The following RBFOX1 variants were observed in gnomAD, a reference collection of about 807,000 sequenced individuals.
RBFOX1 encodes RNA binding protein fox-1 homolog 1.
A neutral mutation model predicts 57.7 loss-of-function variants in RBFOX1; 8 were observed. That is an observed-to-expected ratio of 0.14 (90% CI 0.08 to 0.25). The LOEUF (loss-of-function observed/expected upper bound fraction) is 0.25, where lower values mean the gene tolerates loss of function less well. Ranked by LOEUF, RBFOX1 falls within the 10% of genes least tolerant of loss-of-function variation. The pLI is 1.00. For missense variants in RBFOX1, 611 were observed against 548.5 expected, an observed-to-expected ratio of 1.11 and a Z score of -1.14; for synonymous variants, 326 against 222.4, an observed-to-expected ratio of 1.47 and a Z score of -4.15.
At chr16:6,558,002 C>A (rs567517346) in intron 2 of RBFOX1, among the ~76,000 whole-genome samples, 75 of 152,254 alleles carry the variant, frequency 4.9e-4, no homozygotes, top group African/African-American at 1.7e-3. Context: ...ATTGCTGTCA[C>A]TGTGAAACAT....
intron 3 of RBFOX1, among the ~76,000 whole-genome samples, chr16:6,812,915 G>A (rs2089114073): frequency 6.6e-6 from 1 of 152,128 alleles, no homozygotes; most frequent in Admixed American, 6.5e-5. Flanking sequence ...GTTTCTAGAG[G>A]TCATTGCTGT....
At chr16:5,919,504 G>A (rs746488001) in intron 4 of RBFOX1, among the ~76,000 whole-genome samples, 18 of 151,492 alleles carry the variant, frequency 1.2e-4, no homozygotes, top group Non-Finnish European at 1.5e-5. Context: ...TGCCAGGCCC[G>A]GCTAATTTTT....
intron 4 of RBFOX1, among the ~76,000 whole-genome samples, chr16:7,251,608 C>G (rs551202828): frequency 9.9e-4 from 150 of 152,008 alleles, no homozygotes; most frequent in African/African-American, 3.4e-3. Context: ...TTAGTGGAGA[C>G]GAAGTTTCAC....
At chr16:7,264,960 A>G (rs942859463) in intron 4 of RBFOX1, among the ~76,000 whole-genome samples, 6 of 152,222 alleles carry the variant, frequency 3.9e-5, no homozygotes, top group African/African-American at 7.2e-5. Flanking sequence ...TCCATGACTC[A>G]ATGCCACCAA....
intron 3 of RBFOX1, among the ~76,000 whole-genome samples, chr16:6,851,412 C>T (rs1363355226): frequency 2.0e-5 from 3 of 152,062 alleles, no homozygotes; most frequent in African/African-American, 4.8e-5. Flanking sequence ...GTCATGGGCT[C>T]TCTGTATATT....
intron 4 of RBFOX1, among the ~76,000 whole-genome samples, chr16:7,421,416 A>G (rs2149365494): frequency 1.3e-5 from 2 of 152,266 alleles, no homozygotes; most frequent in South Asian, 4.1e-4. Context: ...ATATTCAGGC[A>G]CCCATACGTA....
At chr16:7,365,413 C>T (rs750749555) in intron 4 of RBFOX1, among the ~76,000 whole-genome samples, 12 of 152,134 alleles carry the variant, frequency 7.9e-5, no homozygotes, top group Non-Finnish European at 1.3e-4. Flanking sequence ...GACAAAAGAA[C>T]CTTGTTAGTT....
intron 3 of RBFOX1, among the ~76,000 whole-genome samples, chr16:5,797,964 A>G (rs931327465): frequency 6.6e-6 from 1 of 152,200 alleles, no homozygotes; most frequent in Admixed American, 6.5e-5. Context: ...AATATGCATC[A>G]TTTATTCTTT....
chr16:7,113,446 C>G (rs1180659497), intron 4 of RBFOX1, among the ~76,000 whole-genome samples: 2 of 152,166 alleles, frequency 1.3e-5, no homozygotes, highest in Non-Finnish European at 2.9e-5. Flanking sequence ...CTCCTGTTGA[C>G]AATATCCTCC....
chr16:5,838,273 CT>C, intron 3 of RBFOX1: 1 of 227,820 alleles, frequency 4.4e-6, no homozygotes. Context: ...ACAACAGCTC[CT>C]GAGGTATGGG....
intron 1 of RBFOX1, among the ~76,000 whole-genome samples, chr16:5,300,927 T>C (rs1476154023): frequency 6.6e-6 from 1 of 152,238 alleles, no homozygotes; most frequent in Non-Finnish European, 1.5e-5. Flanking sequence ...TGTCTGCCTG[T>C]CTGTCTGTCT....
intron 1 of RBFOX1, among the ~76,000 whole-genome samples, chr16:6,021,225 C>T (rs938072368): frequency 4.6e-5 from 7 of 152,074 alleles, no homozygotes; most frequent in African/African-American, 1.7e-4. Context: ...TATTTTTAAA[C>T]TCCGTTGTGC....
chr16:7,332,739 C>A, intron 4 of RBFOX1: 1 of 1,337,908 alleles, frequency 7.5e-7, no homozygotes, highest in Non-Finnish European at 9.6e-7. Flanking sequence ...GCAAGCTGTT[C>A]CCAAAATAGC....
At chr16:6,587,290 C>CT (rs34524206) in intron 2 of RBFOX1, among the ~76,000 whole-genome samples, 118 of 151,086 alleles carry the variant, frequency 7.8e-4, no homozygotes, top group African/African-American at 2.6e-3. Flanking sequence ...TGAGTTTGGC[C>CT]TTTTTTTTTG....
chr16:7,017,570 G>A (rs1354303784), intron 3 of RBFOX1, among the ~76,000 whole-genome samples: 2 of 152,142 alleles, frequency 1.3e-5, no homozygotes, highest in South Asian at 2.1e-4. Flanking sequence ...TTTTATAGAC[G>A]ACTGCAAATT....
At chr16:6,820,019 A>G (rs940072831) in intron 3 of RBFOX1, among the ~76,000 whole-genome samples, 4 of 152,118 alleles carry the variant, frequency 2.6e-5, no homozygotes, top group Admixed American at 1.3e-4. Context: ...TAATCCCCAT[A>G]TGTCATGGGA....
chr16:6,455,013 G>T (rs1161693529), intron 2 of RBFOX1, among the ~76,000 whole-genome samples: 1 of 149,356 alleles, frequency 6.7e-6, no homozygotes, highest in Non-Finnish European at 1.5e-5. Flanking sequence ...CTCCCAAGTA[G>T]CTGGGACTAT....
chr16:7,448,461 A>T (rs1316666514), intron 4 of RBFOX1, among the ~76,000 whole-genome samples: 1 of 152,186 alleles, frequency 6.6e-6, no homozygotes, highest in Non-Finnish European at 1.5e-5. Flanking sequence ...AAGAGAGTGT[A>T]TGCAGGGCAG....
chr16:6,333,999 G>C (rs965496863), intron 2 of RBFOX1, among the ~76,000 whole-genome samples: 4 of 152,126 alleles, frequency 2.6e-5, no homozygotes, highest in East Asian at 1.9e-4. Flanking sequence ...GTGGGGGTAG[G>C]GGGGAGCAGG....
Sources: allele counts gnomAD v4.1 joint callset (sites outside exome capture counted in the v4.1 genomes callset), GRCh38; gene constraint gnomAD v4.1.1; transcripts MANE v1.5; gene names NCBI Gene and HGNC (gene_info 2026-07-23, HGNC 2026-07-21).